Variants in COX7A2L observed in about 807,000 individuals in gnomAD.
COX7A2L encodes cytochrome c oxidase subunit 7A2 like, also known as cytochrome c oxidase subunit 7A2-like, mitochondrial.
In COX7A2L, 18 loss-of-function variants were observed where a neutral mutation model predicts 14.2. The ratio of observed to expected loss-of-function variants is 1.27; its 90% CI spans 0.88 to 1.88. The LOEUF (loss-of-function observed/expected upper bound fraction) is 1.88, where lower values mean the gene tolerates loss of function less well. Ranked by LOEUF, COX7A2L falls within the 40% of genes most tolerant of loss-of-function variation. COX7A2L has a pLI of 0.00. For synonymous variants in COX7A2L, 65 were observed against 57.4 expected (o/e 1.13, Z -0.60); for missense variants, 179 against 138.8 (o/e 1.29, Z -1.46).
chr2:42,355,213 AGAGGCAAACAG>A (rs1670779048), intron 1 of COX7A2L, among the ~76,000 whole-genome samples: 1 of 152,244 alleles, frequency 6.6e-6, no homozygotes, highest in Non-Finnish European at 1.5e-5. Flanking sequence ...GAGGAGTCAG[AGAGGCAAACAG>A]GGGCTCTACT....
upstream of COX7A2L, among the ~76,000 whole-genome samples, chr2:42,364,840 C>T (rs188219720): frequency 6.6e-5 from 10 of 152,106 alleles, no homozygotes; most frequent in African/African-American, 1.9e-4. Context: ...AGCTTTATTG[C>T]GGTACAGGAT....
intron 1 of COX7A2L, among the ~76,000 whole-genome samples, chr2:42,357,166 C>T (rs1477855239): frequency 1.3e-5 from 2 of 152,150 alleles, no homozygotes; most frequent in African/African-American, 4.8e-5. Context: ...TTTTCTTCTA[C>T]CTCTTAGGTT....
chr2:42,356,700 G>A (rs943411136), intron 1 of COX7A2L, among the ~76,000 whole-genome samples: 1 of 152,208 alleles, frequency 6.6e-6, no homozygotes, highest in African/African-American at 2.4e-5. Context: ...GCTGAGGTGG[G>A]AGAATCACTT....
intron 2 of COX7A2L, among the ~76,000 whole-genome samples, chr2:42,336,174 TC>T (rs1195532297): frequency 1.3e-5 from 2 of 152,170 alleles, no homozygotes; most frequent in Non-Finnish European, 2.9e-5. Flanking sequence ...ATCCCTCACT[TC>T]CTGTGGCCAG....
intron 2 of COX7A2L, among the ~76,000 whole-genome samples, chr2:42,335,709 G>A (rs1247357131): frequency 6.6e-6 from 1 of 152,238 alleles, no homozygotes; most frequent in Non-Finnish European, 1.5e-5. Context: ...AGTCCGTGCA[G>A]CCAGCTGCCA....
upstream of COX7A2L, among the ~76,000 whole-genome samples, chr2:42,365,513 G>A (rs1671147497): frequency 1.3e-5 from 2 of 152,000 alleles, no homozygotes; most frequent in African/African-American, 4.8e-5. Context: ...TGTAATCCCA[G>A]CTACAGGTGA....
At chr2:42,368,388 C>A (rs1671208415) in intron 1 of COX7A2L, among the ~76,000 whole-genome samples, 2 of 152,060 alleles carry the variant, frequency 1.3e-5, no homozygotes, top group Admixed American at 6.5e-5. Flanking sequence ...TTTATTTAGT[C>A]AAAATAAATG....
chr2:42,351,268 A>G lies in COX7A2L; in HGVS notation c.296T>C (p.Ile99Thr), dbSNP rs1483317583. 1 of 1,614,194 alleles carries G rather than the reference A, an allele frequency of 6.2e-7. No individual in the cohort carries two copies. Among genetic ancestry groups the G allele is most frequent in the Admixed American group, 1.7e-5 (1 of 60,026 alleles). Reference protein sequence around the residue: ...TTMALTVGGTIYCLIALYMAS... With the variant: ...TTMALTVGGTTYCLIALYMAS... ...CATGTAGAGGGCGATCAGGCAGTAGATGGTCCCTCCCACAGTCAGCGCCAT... is the reference window on the plus strand; with the variant it reads ...CATGTAGAGGGCGATCAGGCAGTAGGTGGTCCCTCCCACAGTCAGCGCCAT... The change falls in exon 3 of 3, where the codon ATC (isoleucine) becomes ACC (threonine). Residue 99 changes from isoleucine (I) to threonine (T), a missense_variant. Physicochemically the swap from Ile to Thr is moderately conservative, Grantham distance 89 (BLOSUM62 -1). Transcript: ENST00000234301.
chr2:42,360,305 G>A (rs561191558), intron 1 of COX7A2L, among the ~76,000 whole-genome samples: 2 of 152,108 alleles, frequency 1.3e-5, no homozygotes, highest in Non-Finnish European at 2.9e-5. Context: ...GTGTACTAAC[G>A]CCGCCCTGGA....
chr2:42,362,863 CTTTTTTT>C (rs529125372), upstream of COX7A2L, among the ~76,000 whole-genome samples: 2 of 134,256 alleles, frequency 1.5e-5, no homozygotes, highest in African/African-American at 2.8e-5. Flanking sequence ...TAGTGATTTC[CTTTTTTT>C]TTTTTTTTTT....
chr2:42,344,850 C>CAA (rs761952104), downstream of COX7A2L, among the ~76,000 whole-genome samples: 13 of 106,140 alleles, frequency 1.2e-4, no homozygotes, highest in African/African-American at 4.3e-4. Context: ...GACTCCGCCT[C>CAA]AAAAAAAAAA....
At chr2:42,345,919 C>A (rs150652098), downstream of COX7A2L, among the ~76,000 whole-genome samples, 1 of 152,098 alleles carries the variant, frequency 6.6e-6, no homozygotes, top group African/African-American at 2.4e-5. Context: ...AGAGACGAGC[C>A]GGTGAGAGGG....
rs1002684997 is a variant in COX7A2L at position 42,361,174 on chromosome 2, C to G, written c.-13G>C. On this transcript the variant is annotated 5_prime_UTR_variant, in exon 1 of 3. Coordinates refer to ENST00000234301, the MANE Select transcript of COX7A2L (RefSeq NM_004718.4). ...ACTTGTAGTACATGACGCCCAGAGT[C>G]CGGCTTCCCGCATCCGCTGCCAACG... The G allele has an allele frequency of 4.4e-6, 7 of 1,600,818 alleles. 1 individual carries two copies. The South Asian group carries it at 4.5e-5, about 10-fold the overall frequency.
downstream of COX7A2L, among the ~76,000 whole-genome samples, chr2:42,346,064 C>T (rs570025407): frequency 5.9e-5 from 9 of 152,276 alleles, no homozygotes; most frequent in South Asian, 1.9e-3. Flanking sequence ...ATAGGGCAGC[C>T]TGCACTCCTT....
chr2:42,341,981 C>G (rs1670411624), intron 2 of COX7A2L, among the ~76,000 whole-genome samples: 1 of 152,162 alleles, frequency 6.6e-6, no homozygotes, highest in Non-Finnish European at 1.5e-5. Context: ...TAATCTGCCA[C>G]ATAACATGGA....
At chr2:42,353,113 G>T (rs1292074930) in intron 2 of COX7A2L, 99 bp downstream of exon 2, 7 of 1,404,798 alleles carry the variant, frequency 5.0e-6, no homozygotes, top group Admixed American at 2.3e-5. Context: ...GAAAAAGAAG[G>T]AGGGTGGGTA....
rs1670580155 is a variant in COX7A2L at position 42,349,725 on chromosome 2, G to T, written c.*1494C>A. On this transcript the variant is annotated 3_prime_UTR_variant, in exon 3 of 3. Coordinates refer to ENST00000234301, the MANE Select transcript of COX7A2L (RefSeq NM_004718.4). ...ATTAGATGGTAGTATTGTTATAAAT[G>T]TTAACTTTATTGAGTCTGACAACTG... The T allele has an allele frequency of 6.6e-6, 1 of 152,172 alleles. No individual in the cohort carries two copies. The highest frequency in any genetic ancestry group is 2.4e-5 in the African/African-American group (1 of 41,436). 9.4% of individuals were successfully genotyped at this position (152,172 alleles called of 1,614,324 possible). A position where few individuals can be genotyped will look rare whatever the true frequency, so the allele number is the denominator to read the frequency against.
intron 1 of COX7A2L, among the ~76,000 whole-genome samples, chr2:42,358,048 C>CT (rs1670882165): frequency 6.6e-6 from 1 of 152,128 alleles, no homozygotes; most frequent in African/African-American, 2.4e-5. Context: ...ATTACGTTTC[C>CT]TTTTTTAACA....
upstream of COX7A2L, among the ~76,000 whole-genome samples, chr2:42,364,250 C>CAAAAAAAAAAAAAAAA (rs35151680): frequency 4.7e-4 from 40 of 85,418 alleles, no homozygotes; most frequent in African/African-American, 1.5e-3. Flanking sequence ...GACTCCGTCT[C>CAAAAAAAAAAAAAAAA]AAAAAAAAAA....
Sources: gnomAD v4.1 joint callset for allele counts (sites outside exome capture counted in the v4.1 genomes callset) on GRCh38, gnomAD v4.1.1 for gene constraint, MANE v1.5 for transcripts, NCBI Gene and HGNC (gene_info 2026-07-23, HGNC 2026-07-21) for gene names.